RFTN1: variants seen among roughly 807,000 people sequenced by gnomAD.
RFTN1 encodes the protein raftlin.
A neutral mutation model predicts 46.5 loss-of-function variants in RFTN1; 26 were observed. The ratio of observed to expected loss-of-function variants is 0.56; its 90% CI spans 0.41 to 0.78. The LOEUF (loss-of-function observed/expected upper bound fraction) is 0.78, where lower values mean the gene tolerates loss of function less well. Ranked by LOEUF, RFTN1 falls within the 30% of genes least tolerant of loss-of-function variation. The pLI is 0.00. For synonymous variants in RFTN1, 261 were observed against 284.2 expected (o/e 0.92, Z 0.82); for missense variants, 693 against 718.7 (o/e 0.96, Z 0.41).
intron 4 of RFTN1, among the ~76,000 whole-genome samples, chr3:16,388,777 C>G (rs2074274434): frequency 6.6e-6 from 1 of 152,146 alleles, no homozygotes; most frequent in South Asian, 2.1e-4. Flanking sequence ...CCTTGTTTCA[C>G]AAAGGCACTA....
At chr3:16,463,090 G>T (rs1352152897) in intron 2 of RFTN1, among the ~76,000 whole-genome samples, 2 of 152,180 alleles carry the variant, frequency 1.3e-5, no homozygotes, top group Non-Finnish European at 2.9e-5. Flanking sequence ...TGTGTTGTTT[G>T]TTTCTAAATA....
rs11447361 is a variant in RFTN1 at position 16,418,500 on chromosome 3, CA to C, written c.333-9018del. On this transcript the variant is annotated intron_variant, in intron 3 of 9. Coordinates refer to ENST00000334133, the MANE Select transcript of RFTN1 (RefSeq NM_015150.2). The surrounding 1 kb of genome is among the most constrained non-coding windows in gnomAD (Gnocchi z 5.0). ...TATTTTTGCTTCATTTAGAAATAAT[CA>C]AAAAAAAATGGTGACAAACACAAAC... Among the ~76,000 whole-genome samples the C allele has an allele frequency of 2.0e-5, 3 of 149,294 alleles. No individual in the cohort carries two copies. Among genetic ancestry groups the C allele is most frequent in the South Asian group, 2.1e-4 (1 of 4,734 alleles).
rs1343432460 is a variant in RFTN1, at chr3:16,352,415, T to A, written c.1146+5517A>T. ...TCATCTATGTAGTTTTTTCCTTTCCTTTCCAAGAATTACCCTTTCTGCTCA... is the reference window on the plus strand; with the variant it reads ...TCATCTATGTAGTTTTTTCCTTTCCATTCCAAGAATTACCCTTTCTGCTCA... On this transcript the variant is annotated intron_variant, in intron 7 of 9. Coordinates refer to ENST00000334133, the MANE Select transcript of RFTN1 (RefSeq NM_015150.2). This position sits in a 1 kb window ranked among gnomAD's most constrained non-coding sequence, Gnocchi z 4.6. Among the ~76,000 whole-genome samples, 3 of 152,334 alleles carry A rather than the reference T, an allele frequency of 2.0e-5. No individual in the cohort carries two copies. Among genetic ancestry groups the A allele is most frequent in the Non-Finnish European group, 4.4e-5 (3 of 68,022 alleles).
In RFTN1 at chr3:16,512,845, G is replaced by A. The variant is rs3821784; in HGVS notation, c.-9+597C>T. On this transcript the variant is annotated intron_variant, in intron 1 of 9. Coordinates refer to ENST00000334133, the MANE Select transcript of RFTN1 (RefSeq NM_015150.2). The surrounding 1 kb of genome is among the most constrained non-coding windows in gnomAD (Gnocchi z 4.3). ...TCGGCACCCGCGTCCCTGTGCTTCT[G>A]GTGGTTCCGGCGCTTCCTCGGAGCG... 0.54 allele frequency: 82,136 copies of A among 152,078 alleles called. 23,651 individuals carry two copies. Among genetic ancestry groups the A allele is most frequent in the African/African-American group, 0.74 (30,599 of 41,452 alleles). The allele number at this position is 152,078 out of a possible 1,614,324, so 9.4% of individuals were successfully genotyped here. A position where few individuals can be genotyped will look rare whatever the true frequency, so the allele number is the denominator to read the frequency against.
intron 2 of RFTN1, among the ~76,000 whole-genome samples, chr3:16,470,876 C>T (rs1456707673): frequency 6.6e-6 from 1 of 152,086 alleles, no homozygotes; most frequent in Non-Finnish European, 1.5e-5. Flanking sequence ...TCAATGAAGA[C>T]CAATCCCAAG....
chr3:16,456,586 A>G lies in RFTN1; in HGVS notation c.146-22549T>C, dbSNP rs2075909808. On this transcript the variant is annotated intron_variant, in intron 2 of 9. Coordinates refer to ENST00000334133, the MANE Select transcript of RFTN1 (RefSeq NM_015150.2). ...ACTCTTAGAAAAGGATTACAGAACC[A>G]CTTTTCACTTTGAAAAATTCTTGAG... 3.3e-5 allele frequency among the ~76,000 whole-genome samples: 5 copies of G among 152,246 alleles called. No individual in the cohort carries two copies. The South Asian group carries it at 1.0e-3, about 31-fold the overall frequency.
intron 4 of RFTN1, among the ~76,000 whole-genome samples, chr3:16,393,660 TTTAA>T (rs1269293593): frequency 4.4e-5 from 6 of 136,630 alleles, no homozygotes; most frequent in Non-Finnish European, 9.0e-5. Flanking sequence ...ACTTTTTTTT[TTTAA>T]TTTTTTTTTT....
intron 2 of RFTN1, among the ~76,000 whole-genome samples, chr3:16,456,965 T>TA (rs2075918668): frequency 6.6e-6 from 1 of 152,214 alleles, no homozygotes; most frequent in Non-Finnish European, 1.5e-5. Flanking sequence ...ACTTCTGTCA[T>TA]AAAAACAAAC....
At chr3:16,373,546 G>A (rs1257956588) in intron 5 of RFTN1, among the ~76,000 whole-genome samples, 1 of 152,248 alleles carries the variant, frequency 6.6e-6, no homozygotes, top group Non-Finnish European at 1.5e-5. Context: ...CAGGATGGAA[G>A]GCTGCAGTTT....
rs1236133367 is a variant in RFTN1 at position 16,326,823 on chromosome 3, A to G, written c.1200T>C (p.Tyr400=). The G allele has an allele frequency of 6.8e-6, 11 of 1,614,062 alleles. No individual in the cohort carries two copies. In the South Asian group the frequency reaches 1.1e-4, roughly 16 times the overall value. Residue 400 remains tyrosine (Y), a synonymous_variant, in exon 8 of 10, where the codon TAT becomes TAC. Coordinates refer to ENST00000334133, the MANE Select transcript of RFTN1 (RefSeq NM_015150.2). ...YVPLLNSLAA[Y]GWQLTCVLPT... Reference sequence around the variant, plus strand: ...GTAGCACACAGGTGAGCTGCCAGCCATAGGCCGCCAGCGAGTTCAGCAGGG... The same window carrying G: ...GTAGCACACAGGTGAGCTGCCAGCCGTAGGCCGCCAGCGAGTTCAGCAGGG...
chr3:16,404,314 T>A (rs1313701239), intron 4 of RFTN1, among the ~76,000 whole-genome samples: 161 of 12,804 alleles, frequency 0.013, 45 homozygotes, highest in African/African-American at 0.072. Context: ...TAATATATAT[T>A]ATATATAATA....
intron 9 of RFTN1, among the ~76,000 whole-genome samples, chr3:16,318,818 C>G (rs1257421431): frequency 1.3e-5 from 2 of 152,178 alleles, no homozygotes; most frequent in East Asian, 3.8e-4. Context: ...ATGTCTCGTA[C>G]TGTAGCTGAC....
chr3:16,467,328 A>G (rs1485103751), intron 2 of RFTN1, among the ~76,000 whole-genome samples: 4 of 152,208 alleles, frequency 2.6e-5, no homozygotes, highest in Admixed American at 2.6e-4. Context: ...ATAACACCTC[A>G]CTTATGCAGA....
At position 16,467,677 on chromosome 3, in the gene RFTN1, C is replaced by A. The variant is rs551479904; in HGVS notation, c.145+26048G>T. 2.0e-5 allele frequency among the ~76,000 whole-genome samples: 3 copies of A among 152,248 alleles called. No individual in the cohort carries two copies. In the South Asian group the frequency reaches 6.2e-4, roughly 32 times the overall value. Reference sequence around the variant, plus strand: ...ATGACCGTGCGCCATGGAAGGGAAACCAGAGATGCAAAAAGCCAACGGCAG... The same window carrying A: ...ATGACCGTGCGCCATGGAAGGGAAAACAGAGATGCAAAAAGCCAACGGCAG... On this transcript the variant is annotated intron_variant, in intron 2 of 9. Coordinates refer to ENST00000334133, the MANE Select transcript of RFTN1 (RefSeq NM_015150.2).
rs921063008 is a variant in RFTN1, at chr3:16,402,834, C to T, written c.441+6541G>A. On this transcript the variant is annotated intron_variant, in intron 4 of 9. Coordinates refer to ENST00000334133, the MANE Select transcript of RFTN1 (RefSeq NM_015150.2). The surrounding 1 kb of genome is among the most constrained non-coding windows in gnomAD (Gnocchi z 4.5). ...AGTACACTCATTGAGTGGGACCAGC[C>T]GCCCCTCAACGGTCTTCATTGCAAA... Among the ~76,000 whole-genome samples the T allele has an allele frequency of 2.6e-5, 4 of 152,126 alleles. No individual in the cohort carries two copies. Among genetic ancestry groups the T allele is most frequent in the Admixed American group, 1.3e-4 (2 of 15,274 alleles).
chr3:16,316,487 C>A lies in RFTN1; in HGVS notation c.*341G>T, dbSNP rs1017022675. 3.0e-6 allele frequency: 1 copy of A among 333,614 alleles called. No individual in the cohort carries two copies. Among genetic ancestry groups the A allele is most frequent in the East Asian group, 8.8e-5 (1 of 11,308 alleles). The allele number at this position is 333,614 out of a possible 1,614,324, so 20.7% of individuals were successfully genotyped here. ...GTCCATGGATTTGACCCGAATGCTC[C>A]CTGGAGGCCCTGTGGCGAGGACAGG... On this transcript the variant is annotated 3_prime_UTR_variant, in exon 10 of 10. Coordinates refer to ENST00000334133, the MANE Select transcript of RFTN1 (RefSeq NM_015150.2). The surrounding 1 kb of genome is among the most constrained non-coding windows in gnomAD (Gnocchi z 4.5).
At chr3:16,416,310 G>A in intron 3 of RFTN1, 1 of 401,980 alleles carries the variant, frequency 2.5e-6, no homozygotes, top group Admixed American at 3.0e-5. Flanking sequence ...TCTGATTGCT[G>A]GAGGCAATGG....
chr3:16,482,043 T>C (rs1246371866), intron 2 of RFTN1, among the ~76,000 whole-genome samples: 1 of 152,002 alleles, frequency 6.6e-6, no homozygotes, highest in Non-Finnish European at 1.5e-5. Context: ...CTCCAGTGGG[T>C]TATTGACCAA....
At chr3:16,366,062 G>T (rs929378025) in intron 6 of RFTN1, among the ~76,000 whole-genome samples, 1 of 152,202 alleles carries the variant, frequency 6.6e-6, no homozygotes. Flanking sequence ...ACGAGGACAG[G>T]AGTGGGCAGG....
Sources: allele counts gnomAD v4.1 joint callset (sites outside exome capture counted in the v4.1 genomes callset), GRCh38; gene constraint gnomAD v4.1.1; non-coding constraint Gnocchi (gnomAD v3.1); transcripts MANE v1.5; gene names NCBI Gene and HGNC (gene_info 2026-07-23, HGNC 2026-07-21).